C14orf39: variants seen among roughly 807,000 people sequenced by gnomAD.
The protein encoded by C14orf39 is chromosome 14 open reading frame 39.
C14orf39 carries 66 observed loss-of-function variants against 85.6 expected under a neutral mutation model. That is an observed-to-expected ratio of 0.77 (90% CI 0.63 to 0.95). The LOEUF (loss-of-function observed/expected upper bound fraction) is 0.95, where lower values mean the gene tolerates loss of function less well. Ranked by LOEUF, C14orf39 falls within the 40% of genes least tolerant of loss-of-function variation. The pLI, the probability that C14orf39 is intolerant of heterozygous loss-of-function variation, is 0.00. For synonymous variants in C14orf39, 242 were observed against 214.0 expected (o/e 1.13, Z -1.14); for missense variants, 735 against 663.9 (o/e 1.11, Z -1.18).
intron 1 of C14orf39, chr14:60,509,583 T>C: frequency 6.2e-7 from 1 of 1,613,166 alleles, no homozygotes; most frequent in Non-Finnish European, 8.5e-7. Flanking sequence ...ATCGTGGCCT[T>C]TCACGGTGGC....
At chr14:60,495,880 A>G (rs1044675916) in intron 2 of C14orf39, 10 of 388,522 alleles carry the variant, frequency 2.6e-5, no homozygotes, top group Non-Finnish European at 4.5e-5. Flanking sequence ...TACAGTATAG[A>G]ATATAGAAAG....
At chr14:60,448,759 T>C (rs1458216826) in intron 16 of C14orf39, among the ~76,000 whole-genome samples, 5 of 152,140 alleles carry the variant, frequency 3.3e-5, no homozygotes, top group South Asian at 4.1e-4. Flanking sequence ...CTATTCACAA[T>C]AGCAAAGACT....
intron 14 of C14orf39, among the ~76,000 whole-genome samples, chr14:60,458,392 T>C (rs1891374799): frequency 6.6e-6 from 1 of 152,074 alleles, no homozygotes; most frequent in Non-Finnish European, 1.5e-5. Context: ...CTGTACTTGG[T>C]TTATTTTGCT....
chr14:60,444,722 A>T (rs1218274676), intron 16 of C14orf39, among the ~76,000 whole-genome samples: 1 of 152,216 alleles, frequency 6.6e-6, no homozygotes, highest in African/African-American at 2.4e-5. Flanking sequence ...ACTCCTCGAA[A>T]AGAGCAACCC....
At chr14:60,466,268 C>T (rs1182066014) in intron 10 of C14orf39, among the ~76,000 whole-genome samples, 3 of 151,810 alleles carry the variant, frequency 2.0e-5, no homozygotes, top group African/African-American at 7.3e-5. Flanking sequence ...TGACAAAAGG[C>T]CAACTGACAA....
chr14:60,505,437 C>G (rs1469208635), intron 1 of C14orf39, among the ~76,000 whole-genome samples: 1 of 152,088 alleles, frequency 6.6e-6, no homozygotes, highest in Non-Finnish European at 1.5e-5. Context: ...ATTTCAAACT[C>G]GGAAAAATGC....
In C14orf39 at chr14:60,458,659, G is replaced by T; in HGVS notation, c.1179+19C>A. The T allele has an allele frequency of 6.4e-7, 1 of 1,562,662 alleles. No individual in the cohort carries two copies. The highest frequency in any genetic ancestry group is 8.7e-7 in the Non-Finnish European group (1 of 1,142,988). On this transcript the variant is annotated intron_variant, in intron 14 of 17. Coordinates refer to ENST00000321731, the MANE Select transcript of C14orf39 (RefSeq NM_174978.3). ...TTGGAATTTTTGCTTAGAAATTAGA[G>T]ATCAAACATTTGACTTACTTGTGAA...
At chr14:60,447,683 G>C (rs2140041053) in intron 16 of C14orf39, among the ~76,000 whole-genome samples, 1 of 152,136 alleles carries the variant, frequency 6.6e-6, no homozygotes, top group East Asian at 1.9e-4. Flanking sequence ...CATAGAATTG[G>C]AAAAAACTAC....
In C14orf39 at chr14:60,471,596, G is replaced by A. The variant is rs756753469; in HGVS notation, c.467C>T (p.Thr156Ile). ...TGTTTCATTCATTTTTAATTGTTCAGTACATGCCAACACTCTGCTTTGAAT... is the reference window on the plus strand; with the variant it reads ...TGTTTCATTCATTTTTAATTGTTCAATACATGCCAACACTCTGCTTTGAAT... Reference protein sequence around the residue: ...EEIQSRVLACTEQLKMNETIF... With the variant: ...EEIQSRVLACIEQLKMNETIF... The change falls in exon 6 of 18, where the codon ACT becomes ATT. Residue 156 changes from threonine to isoleucine, a missense_variant. Thr to Ile is a moderately conservative substitution (Grantham distance 89). Coordinates refer to ENST00000321731, the MANE Select transcript of C14orf39 (RefSeq NM_174978.3). 2 of 1,609,214 alleles carry A rather than the reference G, an allele frequency of 1.2e-6. No individual in the cohort carries two copies. The highest frequency in any genetic ancestry group is 1.7e-6 in the Non-Finnish European group (2 of 1,177,916).
intron 16 of C14orf39, among the ~76,000 whole-genome samples, chr14:60,449,240 T>C (rs1890926133): frequency 6.6e-6 from 1 of 152,198 alleles, no homozygotes; most frequent in South Asian, 2.1e-4. Flanking sequence ...TTTCTTTTGC[T>C]TCTTCTTCCA....
At chr14:60,502,268 T>C (rs1893158737) in intron 1 of C14orf39, among the ~76,000 whole-genome samples, 5 of 151,928 alleles carry the variant, frequency 3.3e-5, no homozygotes, top group Admixed American at 3.3e-4. Context: ...CAATGGGGAA[T>C]AGGAAGGAGT....
intron 13 of C14orf39, 29 bp downstream of exon 13, chr14:60,461,325 C>T (rs1356223193): frequency 1.9e-6 from 3 of 1,588,950 alleles, no homozygotes; most frequent in Admixed American, 3.4e-5. Flanking sequence ...ACCCCGACTT[C>T]TTAGAAGAAA....
chr14:60,469,820 T>C (rs899398905), intron 7 of C14orf39, among the ~76,000 whole-genome samples, 167 bp from the exon 8 acceptor site: 4 of 151,472 alleles, frequency 2.6e-5, no homozygotes, highest in Non-Finnish European at 4.4e-5. Context: ...ATATAAACAT[T>C]TGGCAGACTA....
At chr14:60,495,887 A>G (rs1004367905) in intron 2 of C14orf39, 3 of 393,728 alleles carry the variant, frequency 7.6e-6, no homozygotes, top group African/African-American at 6.3e-5. Context: ...TAGAATATAG[A>G]AAGAACTCTG....
intron 1 of C14orf39, among the ~76,000 whole-genome samples, chr14:60,500,085 T>A (rs1405621067): frequency 6.6e-6 from 1 of 152,220 alleles, no homozygotes; most frequent in Non-Finnish European, 1.5e-5. Context: ...TGCAGTGCAA[T>A]GGCGCGATCT....
upstream of C14orf39, among the ~76,000 whole-genome samples, chr14:60,490,185 G>A (rs2140174078): frequency 6.6e-6 from 1 of 152,148 alleles, no homozygotes; most frequent in East Asian, 1.9e-4. Context: ...GGTTTCTAAT[G>A]CAACCACTAT....
intron 1 of C14orf39, among the ~76,000 whole-genome samples, chr14:60,507,429 C>A (rs1251114370): frequency 6.6e-6 from 1 of 152,178 alleles, no homozygotes; most frequent in East Asian, 1.9e-4. Context: ...AAGGTTTATG[C>A]TTTGTCATTA....
chr14:60,470,844 G>A (rs1156532098), intron 7 of C14orf39, among the ~76,000 whole-genome samples: 1 of 151,834 alleles, frequency 6.6e-6, no homozygotes, highest in Non-Finnish European at 1.5e-5. Flanking sequence ...GGTTGAAAGA[G>A]GATTAAAGTT....
intron 5 of C14orf39, among the ~76,000 whole-genome samples, chr14:60,475,424 T>C (rs1892324816): frequency 6.6e-6 from 1 of 152,180 alleles, no homozygotes. Flanking sequence ...AAAATTATGA[T>C]GGTCTATGGG....
Sources: allele counts gnomAD v4.1 joint callset (sites outside exome capture counted in the v4.1 genomes callset), GRCh38; gene constraint gnomAD v4.1.1; transcripts MANE v1.5; gene names NCBI Gene and HGNC (gene_info 2026-07-23, HGNC 2026-07-21).